TTF1: variants seen among roughly 807,000 people sequenced by gnomAD.
TTF1 encodes transcription termination factor, RNA polymerase I.
Under a neutral mutation model 80.2 loss-of-function variants are expected in TTF1, and 64 were observed. The ratio of observed to expected loss-of-function variants is 0.80; its 90% CI spans 0.65 to 0.98. TTF1 has a LOEUF of 0.98. Ranked by LOEUF, TTF1 falls within the 50% of genes least tolerant of loss-of-function variation. TTF1 has a pLI of 0.00. For missense variants in TTF1, 1,023 were observed against 1,086.2 expected, an observed-to-expected ratio of 0.94 and a Z score of 0.82; for synonymous variants, 372 against 382.7, an observed-to-expected ratio of 0.97 and a Z score of 0.33.
chr9:132,398,318 T>G lies in TTF1; in HGVS notation c.1600A>C (p.Ile534Leu). 6.2e-7 allele frequency: 1 copy of G among 1,604,636 alleles called. No individual in the cohort carries two copies. Among genetic ancestry groups the G allele is most frequent in the Non-Finnish European group, 8.5e-7 (1 of 1,177,436 alleles). Residue 534 changes from isoleucine to leucine, a missense_variant, in exon 4 of 11, where the codon ATT (isoleucine) becomes CTT (leucine). By Grantham distance (5) the Ile-to-Leu change is conservative. Transcript: ENST00000334270. ...FKEFKAQGVA[I>L]KFGKFSVKEN... The stretch of plus-strand genomic sequence containing the variant: ...TTTACAGAAAACTTGCCAAATTTAA[T>G]AGCGACACCTAGAATTGGGAAGGAA...
chr9:132,375,963 G>T lies in TTF1; in HGVS notation c.2670C>A (p.His890Gln). The change falls in exon 11 of 11, where the codon CAC becomes CAA. Residue 890 changes from histidine to glutamine, a missense_variant. His to Gln is a conservative substitution (Grantham distance 24, BLOSUM62 0). Coordinates refer to ENST00000334270, the MANE Select transcript of TTF1 (RefSeq NM_007344.4). Reference sequence around the variant, plus strand: ...CTCCCAAAGTACTGGAATTACAGGCGTGAGCCATGCATGGCGCCTGGCCTT... The same window carrying T: ...CTCCCAAAGTACTGGAATTACAGGCTTGAGCCATGCATGGCGCCTGGCCTT... ...ESEGQAPCMA[H>Q]ACNSSTLGGQ... 1.2e-6 allele frequency: 2 copies of T among 1,611,460 alleles called. No homozygotes were observed. Among genetic ancestry groups the T allele is most frequent in the South Asian group, 1.1e-5 (1 of 90,842 alleles).
rs763081559 is a variant in TTF1, at chr9:132,392,219, G to A, written c.1857-13C>T. The A allele has an allele frequency of 1.2e-6, 2 of 1,613,868 alleles. No homozygotes were observed. The highest frequency in any genetic ancestry group is 2.2e-5 in the South Asian group (2 of 91,040). On this transcript the variant is annotated splice_polypyrimidine_tract_variant and intron_variant, in intron 5 of 10. Coordinates refer to ENST00000334270, the MANE Select transcript of TTF1 (RefSeq NM_007344.4). ...TCCTTCGCTATACCTAGGAGAAAGG[G>A]AAAATGTTTTACAAGTTTAAACGAA...
At chr9:132,401,188 G>A (rs1849755160) in intron 2 of TTF1, among the ~76,000 whole-genome samples, 1 of 151,994 alleles carries the variant, frequency 6.6e-6, no homozygotes, top group Non-Finnish European at 1.5e-5. Context: ...AATTAGCCAG[G>A]CATGGTGCAT....
Position 132,391,011 on chromosome 9 carries a change from CTTT to C in TTF1, c.1988-183_1988-181del. ...GAAATTACTAACACGGTCATGGATTCTTTTTAAGAACTAAAGCCTGAAATTATT... is the reference window on the plus strand; with the variant it reads ...GAAATTACTAACACGGTCATGGATTCTTAAGAACTAAAGCCTGAAATTATT... On this transcript the variant is annotated intron_variant, in intron 6 of 10. Transcript: ENST00000334270. Among the ~76,000 whole-genome samples, 3 of 152,258 alleles carry C rather than the reference CTTT, an allele frequency of 2.0e-5. No individual in the cohort carries two copies. In the South Asian group the frequency reaches 6.2e-4, roughly 32 times the overall value.
At position 132,384,726 on chromosome 9, in the gene TTF1, G is replaced by A. The variant is rs989224044; in HGVS notation, c.2378+1830C>T. ...GGCTGGAGTGCAATGGCATGATCTC[G>A]GCTTACTGCAACCTCCGCCTCCTGG... is the stretch of plus-strand genomic sequence containing the variant. On this transcript the variant is annotated intron_variant, in intron 9 of 10. Transcript: ENST00000334270. The surrounding 1 kb of genome is among the most constrained non-coding windows in gnomAD (Gnocchi z 4.1). Among the ~76,000 whole-genome samples the A allele has an allele frequency of 1.3e-5, 2 of 152,042 alleles. No homozygotes were observed. Among genetic ancestry groups the A allele is most frequent in the Non-Finnish European group, 2.9e-5 (2 of 68,004 alleles).
At chr9:132,376,927 C>T (rs1203931032) in intron 10 of TTF1, among the ~76,000 whole-genome samples, 5 of 151,882 alleles carry the variant, frequency 3.3e-5, no homozygotes, top group Non-Finnish European at 7.4e-5. Context: ...TTGAACTCCT[C>T]GTCTTACAAA....
intron 1 of TTF1, among the ~76,000 whole-genome samples, 157 bp from the exon 2 acceptor site, chr9:132,402,985 A>G (rs995947477): frequency 1.3e-5 from 2 of 152,054 alleles, no homozygotes; most frequent in African/African-American, 4.8e-5. Flanking sequence ...CCTCCCGAAT[A>G]GCTGGGACTA....
chr9:132,393,279 C>A (rs1280436492), intron 5 of TTF1, among the ~76,000 whole-genome samples: 9 of 151,442 alleles, frequency 5.9e-5, no homozygotes, highest in South Asian at 2.1e-4. Context: ...GCCCCCCCCG[C>A]AAACTGGCCA....
intron 9 of TTF1, among the ~76,000 whole-genome samples, chr9:132,381,058 T>C (rs1254814772): frequency 1.3e-5 from 2 of 152,302 alleles, no homozygotes; most frequent in Non-Finnish European, 1.5e-5. Context: ...ACAACAGGCA[T>C]GTGTCACCAC....
chr9:132,399,910 T>G, intron 3 of TTF1, 125 bp downstream of exon 3: 1 of 1,001,994 alleles, frequency 1.0e-6, no homozygotes, highest in Non-Finnish European at 1.5e-6. Flanking sequence ...TGGTAGGAGA[T>G]AGAGGTGAAG....
chr9:132,398,880 T>G (rs2131645943), intron 3 of TTF1, among the ~76,000 whole-genome samples: 1 of 152,150 alleles, frequency 6.6e-6, no homozygotes, highest in Middle Eastern at 3.4e-3. Flanking sequence ...GTGAGCCACC[T>G]CACTTGGCCT....
At chr9:132,387,710 A>G (rs1031348080) in intron 8 of TTF1, among the ~76,000 whole-genome samples, 1 of 152,174 alleles carries the variant, frequency 6.6e-6, no homozygotes, top group Admixed American at 6.5e-5. Context: ...GGGACCCTGC[A>G]TGGACAAGGA....
chr9:132,391,737 C>CT (rs1019803412), intron 6 of TTF1, among the ~76,000 whole-genome samples: 1 of 152,222 alleles, frequency 6.6e-6, no homozygotes, highest in Non-Finnish European at 1.5e-5. Context: ...AACTGCGTGC[C>CT]TGCCTCCCTC....
rs376283641 is a variant in TTF1, at chr9:132,378,678, TGTG to T, written c.2464+378_2464+380del. Among the ~76,000 whole-genome samples, 250 of 136,738 alleles carry T rather than the reference TGTG, an allele frequency of 1.8e-3. 2 individuals are homozygous for T. The highest frequency in any genetic ancestry group is 6.3e-3 in the African/African-American group (214 of 34,218). 89.7% of individuals were successfully genotyped at this position (136,738 alleles called of 152,430 possible). ...GTGCATACGTGTGTGAGTGCATGCA[TGTG>T]GTGTGTGTGAGTGCATGTGGTGTGA... On this transcript the variant is annotated intron_variant, in intron 10 of 10. Transcript: ENST00000334270.
chr9:132,400,352 G>A, intron 2 of TTF1, 94 bp from the exon 3 acceptor site: 1 of 1,032,022 alleles, frequency 9.7e-7, no homozygotes, highest in Non-Finnish European at 1.4e-6. Flanking sequence ...TGAGACAGAG[G>A]CTTGCTCTGT....
At chr9:132,404,159 T>C (rs1849819039) in intron 1 of TTF1, among the ~76,000 whole-genome samples, 1 of 152,232 alleles carries the variant, frequency 6.6e-6, no homozygotes, top group Non-Finnish European at 1.5e-5. Flanking sequence ...TCCTCTCCTT[T>C]TTTACACAGA....
rs1318387440 is a variant in TTF1 at position 132,377,231 on chromosome 9, GGTGTGAGTGCATGTGGTGT to G, written c.2465-1082_2465-1064del. On this transcript the variant is annotated intron_variant, in intron 10 of 10. Coordinates refer to ENST00000334270, the MANE Select transcript of TTF1 (RefSeq NM_007344.4). ...GCATGCATGTGGTGTGAGTGCATGT[GGTGTGAGTGCATGTGGTGT>G]GTGTGAGTGCATGCGTGTGGTGTGA... Among the ~76,000 whole-genome samples, 61 of 139,066 alleles carry G rather than the reference GGTGTGAGTGCATGTGGTGT, an allele frequency of 4.4e-4. 1 individual carries two copies. The highest frequency in any genetic ancestry group is 1.5e-3 in the African/African-American group (57 of 36,852). The allele number at this position is 139,066 out of a possible 152,430, so 91.2% of individuals were successfully genotyped here.
chr9:132,402,838 A>T lies in TTF1; in HGVS notation c.-7-10T>A. The T allele has an allele frequency of 6.4e-7, 1 of 1,560,302 alleles. No homozygotes were observed. The highest frequency in any genetic ancestry group is 8.6e-7 in the Non-Finnish European group (1 of 1,161,216). ...TCCTTCCATTTTATTCCTATATGGA[A>T]ATGTGACAACAATGGTTTATTTTTG... On this transcript the variant is annotated splice_polypyrimidine_tract_variant and intron_variant, in intron 1 of 10. Coordinates refer to ENST00000334270, the MANE Select transcript of TTF1 (RefSeq NM_007344.4).
chr9:132,400,598 C>T (rs1262994720), intron 2 of TTF1, among the ~76,000 whole-genome samples: 2 of 152,212 alleles, frequency 1.3e-5, no homozygotes, highest in African/African-American at 4.8e-5. Context: ...GCTGGGATTA[C>T]AGGCATGAGC....
Sources: allele counts gnomAD v4.1 joint callset (sites outside exome capture counted in the v4.1 genomes callset), GRCh38; gene constraint gnomAD v4.1.1; non-coding constraint Gnocchi (gnomAD v3.1); transcripts MANE v1.5; gene names NCBI Gene and HGNC (gene_info 2026-07-23, HGNC 2026-07-21).